Variants in COL23A1 observed in about 807,000 individuals in gnomAD.
COL23A1 encodes collagen type XXIII alpha 1 chain.
In COL23A1, 97 loss-of-function variants were observed where a neutral mutation model predicts 99.3. That is an observed-to-expected ratio of 0.98 (90% CI 0.83 to 1.16). The LOEUF (loss-of-function observed/expected upper bound fraction) is 1.16. Ranked by LOEUF, COL23A1 falls within the 50% of genes most tolerant of loss-of-function variation. The probability of loss-of-function intolerance (pLI) is 0.00; values close to 1 mark genes in which losing one functional copy is unlikely to be tolerated. For synonymous variants in COL23A1, 320 were observed against 308.2 expected, an observed-to-expected ratio of 1.04 and a Z score of -0.40; for missense variants, 762 against 757.4, an observed-to-expected ratio of 1.01 and a Z score of -0.07.
At chr5:178,541,424 C>A (rs184529720) in intron 2 of COL23A1, among the ~76,000 whole-genome samples, 35 of 152,216 alleles carry the variant, frequency 2.3e-4, no homozygotes, top group African/African-American at 7.7e-4. Flanking sequence ...CCCGTCTCTA[C>A]CAGAAATACA....
intron 2 of COL23A1, among the ~76,000 whole-genome samples, chr5:178,355,362 G>A (rs1336632685): frequency 6.6e-6 from 1 of 152,134 alleles, no homozygotes; most frequent in Non-Finnish European, 1.5e-5. Flanking sequence ...GGGGGGTCCT[G>A]GAGCCAATCC....
intron 2 of COL23A1, among the ~76,000 whole-genome samples, chr5:178,469,735 C>T (rs1277044236): frequency 2.0e-5 from 3 of 152,106 alleles, no homozygotes; most frequent in South Asian, 2.1e-4. Flanking sequence ...AGAGGACCCT[C>T]GCCGAGGGAA....
chr5:178,555,948 C>T (rs890610980), intron 2 of COL23A1, among the ~76,000 whole-genome samples: 2 of 152,148 alleles, frequency 1.3e-5, no homozygotes, highest in African/African-American at 4.8e-5. Flanking sequence ...TGAGGGCTCC[C>T]GTCCTTCAGT....
At chr5:178,356,559 C>T (rs1288324317) in intron 2 of COL23A1, among the ~76,000 whole-genome samples, 3 of 152,112 alleles carry the variant, frequency 2.0e-5, no homozygotes, top group Non-Finnish European at 4.4e-5. Flanking sequence ...GAATGCATTC[C>T]TTCTTCCCAG....
chr5:178,580,332 A>G (rs572388099), intron 1 of COL23A1, among the ~76,000 whole-genome samples: 54 of 152,054 alleles, frequency 3.6e-4, no homozygotes, highest in African/African-American at 1.2e-3. Flanking sequence ...CATCTCAAAA[A>G]AAAAAAAAAG....
intron 2 of COL23A1, among the ~76,000 whole-genome samples, chr5:178,463,720 C>G (rs1197210020): frequency 2.0e-5 from 3 of 152,230 alleles, no homozygotes; most frequent in Admixed American, 2.0e-4. Flanking sequence ...GCCCCCAGCC[C>G]TGCCGCGGTG....
At chr5:178,450,180 G>A (rs1245280450) in intron 2 of COL23A1, among the ~76,000 whole-genome samples, 1 of 152,182 alleles carries the variant, frequency 6.6e-6, no homozygotes, top group Admixed American at 6.5e-5. Flanking sequence ...CCCTAGGTAT[G>A]TGGCCACCTG....
chr5:178,409,438 C>A (rs1477622682), intron 2 of COL23A1, among the ~76,000 whole-genome samples: 1 of 152,124 alleles, frequency 6.6e-6, no homozygotes, highest in Non-Finnish European at 1.5e-5. Flanking sequence ...ATGTTAGGAA[C>A]ATTGTCATGG....
At chr5:178,258,139 T>A (rs1043099389) in intron 12 of COL23A1, among the ~76,000 whole-genome samples, 5 of 151,124 alleles carry the variant, frequency 3.3e-5, no homozygotes, top group Non-Finnish European at 5.9e-5. Flanking sequence ...TCCCAGCTAT[T>A]TGAGAGGCTG....
At chr5:178,318,828 G>C (rs1042171495) in intron 2 of COL23A1, among the ~76,000 whole-genome samples, 4 of 151,992 alleles carry the variant, frequency 2.6e-5, no homozygotes, top group Non-Finnish European at 5.9e-5. Flanking sequence ...CCTGAATCTG[G>C]GAGGCAGAGG....
chr5:178,580,895 G>A (rs1237639656), intron 1 of COL23A1, among the ~76,000 whole-genome samples: 1 of 152,148 alleles, frequency 6.6e-6, no homozygotes, highest in Non-Finnish European at 1.5e-5. Flanking sequence ...TGTAGTCCCA[G>A]ATACTCGGGA....
At chr5:178,370,593 G>A (rs1762746938) in intron 2 of COL23A1, among the ~76,000 whole-genome samples, 1 of 152,158 alleles carries the variant, frequency 6.6e-6, no homozygotes, top group Non-Finnish European at 1.5e-5. Context: ...CACAGGGCAA[G>A]GTGGCTCACC....
chr5:178,459,135 A>T (rs1002166900), intron 2 of COL23A1, among the ~76,000 whole-genome samples: 1 of 152,238 alleles, frequency 6.6e-6, no homozygotes, highest in Non-Finnish European at 1.5e-5. Context: ...AAACCACCAA[A>T]GAATCATGAA....
chr5:178,244,420 C>T (rs1159877269), intron 25 of COL23A1, among the ~76,000 whole-genome samples: 1 of 152,208 alleles, frequency 6.6e-6, no homozygotes, highest in African/African-American at 2.4e-5. Flanking sequence ...ATTGATTCCA[C>T]CCCAGTCCAT....
chr5:178,489,620 C>T (rs537121207), intron 2 of COL23A1, among the ~76,000 whole-genome samples: 67 of 152,270 alleles, frequency 4.4e-4, no homozygotes, highest in African/African-American at 1.3e-3. Flanking sequence ...ATAAAGGCTG[C>T]GGACTGTCAA....
chr5:178,357,962 GTA>G lies in COL23A1; in HGVS notation c.362-51045_362-51044del, dbSNP rs1231881213. 4.7e-5 allele frequency among the ~76,000 whole-genome samples: 7 copies of G among 147,758 alleles called. 1 individual carries two copies. Among genetic ancestry groups the G allele is most frequent in the Admixed American group, 6.8e-5 (1 of 14,804 alleles). ...TGTATGTGTGTGTATGTATATGTGT[GTA>G]TGTGTATGTGTATATATGTGTGTAT... On this transcript the variant is annotated intron_variant, in intron 2 of 28. Coordinates refer to ENST00000390654, the MANE Select transcript of COL23A1 (RefSeq NM_173465.4).
intron 2 of COL23A1, among the ~76,000 whole-genome samples, chr5:178,379,987 C>T (rs1156278424): frequency 6.6e-6 from 1 of 152,060 alleles, no homozygotes; most frequent in East Asian, 1.9e-4. Context: ...TCAGGGAGGC[C>T]CCACAGCCTC....
intron 2 of COL23A1, among the ~76,000 whole-genome samples, chr5:178,403,136 A>AAAAAAAAAAAAAAAAAAAAAAC (rs1764560519): frequency 6.9e-6 from 1 of 145,684 alleles, no homozygotes; most frequent in Non-Finnish European, 1.5e-5. Flanking sequence ...ATAAATAAAA[A>AAAAAAAAAAAAAAAAAAAAAAC]ATAAATACCA....
intron 2 of COL23A1, among the ~76,000 whole-genome samples, chr5:178,501,117 T>C (rs193026634): frequency 2.6e-5 from 4 of 152,258 alleles, no homozygotes; most frequent in Admixed American, 2.0e-4. Flanking sequence ...AATATGCATA[T>C]AAAAATGTAA....
Sources: gnomAD v4.1 joint callset for allele counts (sites outside exome capture counted in the v4.1 genomes callset) on GRCh38, gnomAD v4.1.1 for gene constraint, MANE v1.5 for transcripts, NCBI Gene and HGNC (gene_info 2026-07-23, HGNC 2026-07-21) for gene names.